MYT1L: variants seen among roughly 807,000 people sequenced by gnomAD.
The protein encoded by MYT1L is myelin transcription factor 1-like protein.
In MYT1L, 12 loss-of-function variants were observed where a neutral mutation model predicts 126.7. The observed-to-expected ratio is 0.09, with a 90% CI of 0.06 to 0.15. The LOEUF is 0.15. Among genes scored for constraint, MYT1L ranks in the 10% least tolerant of loss-of-function variants. The pLI, the probability that MYT1L is intolerant of heterozygous loss-of-function variation, is 1.00. For synonymous variants in MYT1L, 541 were observed against 604.2 expected, an observed-to-expected ratio of 0.90 and a Z score of 1.53; for missense variants, 979 against 1,585.2, an observed-to-expected ratio of 0.62 and a Z score of 6.49.
At chr2:2,182,497 A>G (rs925222515) in intron 2 of MYT1L, among the ~76,000 whole-genome samples, 3 of 151,706 alleles carry the variant, frequency 2.0e-5, no homozygotes, top group African/African-American at 7.3e-5. Context: ...TCTCACACCC[A>G]TGTACCCCCC....
At chr2:2,298,796 G>A (rs1640824352) in intron 1 of MYT1L, among the ~76,000 whole-genome samples, 1 of 152,170 alleles carries the variant, frequency 6.6e-6, no homozygotes. Flanking sequence ...ACGTCCCGCA[G>A]TGCTCAGGAA....
chr2:2,044,604 T>C (rs913855711), intron 4 of MYT1L, among the ~76,000 whole-genome samples: 4 of 152,226 alleles, frequency 2.6e-5, no homozygotes, highest in African/African-American at 9.6e-5. Flanking sequence ...GACGTCTTCT[T>C]TGAAATGACT....
At chr2:2,249,191 A>C (rs545640363) in intron 2 of MYT1L, among the ~76,000 whole-genome samples, 46 of 152,130 alleles carry the variant, frequency 3.0e-4, no homozygotes, top group Non-Finnish European at 5.6e-4. Flanking sequence ...CAAAATTAAC[A>C]TACACAAATA....
intron 2 of MYT1L, among the ~76,000 whole-genome samples, chr2:2,204,343 A>C (rs1248578726): frequency 6.6e-6 from 1 of 151,710 alleles, no homozygotes; most frequent in Non-Finnish European, 1.5e-5. Flanking sequence ...AATGGGAGAA[A>C]ATTTTTGCAA....
At chr2:1,818,115 G>A (rs2037972676) in intron 21 of MYT1L, among the ~76,000 whole-genome samples, 1 of 152,216 alleles carries the variant, frequency 6.6e-6, no homozygotes, top group South Asian at 2.1e-4. Flanking sequence ...CAGCTAGAAG[G>A]GCCTTTTCCT....
chr2:1,922,888 C>A lies in MYT1L; in HGVS notation c.881G>T (p.Ser294Ile). 1 of 1,614,064 alleles carries A rather than the reference C, an allele frequency of 6.2e-7. No homozygotes were observed. Among genetic ancestry groups the A allele is most frequent in the Non-Finnish European group, 8.5e-7 (1 of 1,179,898 alleles). Residue 294 changes from serine to isoleucine, a missense_variant, in exon 10 of 25, where the codon AGT (serine) becomes ATT (isoleucine). By Grantham distance (142) the Ser-to-Ile change is moderately radical (BLOSUM62 -2). Transcript: ENST00000647738. The surrounding 1 kb of genome is among the most constrained non-coding windows in gnomAD (Gnocchi z 7.4). The part of the protein sequence containing the change: ...NYADSMSQQD[S>I]RNMNYVMLGK... The stretch of plus-strand genomic sequence containing the variant: ...CAACATGACGTAATTCATATTTCTA[C>A]TGTCTTGCTGCGACATGCTGTCTGC...
At chr2:2,016,362 T>A (rs2064390569) in intron 4 of MYT1L, among the ~76,000 whole-genome samples, 1 of 152,208 alleles carries the variant, frequency 6.6e-6, no homozygotes, top group Non-Finnish European at 1.5e-5. Flanking sequence ...AAAACTTGGA[T>A]GCCTGAGCAG....
chr2:1,978,714 T>C (rs1160487201), intron 8 of MYT1L, among the ~76,000 whole-genome samples: 1 of 152,182 alleles, frequency 6.6e-6, no homozygotes, highest in Non-Finnish European at 1.5e-5. Context: ...ATGGGCTTAG[T>C]TTCCCAGGAT....
At chr2:1,849,177 A>G (rs2042892914) in intron 19 of MYT1L, among the ~76,000 whole-genome samples, 1 of 152,112 alleles carries the variant, frequency 6.6e-6, no homozygotes, top group Admixed American at 6.5e-5. Context: ...AAATCAGAAA[A>G]ACAGACATTT....
In MYT1L at chr2:1,811,400, G is replaced by GTCATCAGCTCTGGCA. The variant is rs2036621356; in HGVS notation, c.3081-2234_3081-2233insTGCCAGAGCTGATGA. On this transcript the variant is annotated intron_variant, in intron 21 of 24. Coordinates refer to ENST00000647738, the MANE Select transcript of MYT1L (RefSeq NM_001303052.2). The surrounding 1 kb of genome is among the most constrained non-coding windows in gnomAD (Gnocchi z 4.4). ...CAGCTCTGGCGTCATCAGCTCTGGCGTCATCAGCTCCAGCATCATCAGCTC... is the reference window on the plus strand; with the variant it reads ...CAGCTCTGGCGTCATCAGCTCTGGCGTCATCAGCTCTGGCATCATCAGCTCCAGCATCATCAGCTC... 2 of 152,718 alleles carry GTCATCAGCTCTGGCA rather than the reference G, an allele frequency of 1.3e-5. No individual in the cohort carries two copies. Among genetic ancestry groups the GTCATCAGCTCTGGCA allele is most frequent in the Admixed American group, 6.5e-5 (1 of 15,292 alleles). The allele number at this position is 152,718 out of a possible 1,614,324, so 9.5% of individuals were successfully genotyped here.
chr2:2,009,359 T>G (rs762646238), intron 4 of MYT1L, among the ~76,000 whole-genome samples: 1 of 152,214 alleles, frequency 6.6e-6, no homozygotes, highest in Non-Finnish European at 1.5e-5. Context: ...TTTCATTTAT[T>G]TGTGCCTTTT....
chr2:1,930,215 A>G (rs1047472356), intron 9 of MYT1L, among the ~76,000 whole-genome samples: 5 of 152,110 alleles, frequency 3.3e-5, no homozygotes, highest in African/African-American at 1.2e-4. Flanking sequence ...CACATTCCAG[A>G]TCTCTTCCTC....
intron 18 of MYT1L, among the ~76,000 whole-genome samples, chr2:1,868,085 G>C (rs1287788631): frequency 6.6e-6 from 1 of 151,980 alleles, no homozygotes; most frequent in African/African-American, 2.4e-5. Context: ...CCCTGCCTCA[G>C]CCTCCCAAGT....
At chr2:2,077,415 G>C (rs2150287899) in intron 3 of MYT1L, among the ~76,000 whole-genome samples, 1 of 152,166 alleles carries the variant, frequency 6.6e-6, no homozygotes. Context: ...ATTAACAAAA[G>C]GCAAAGGCAA....
At chr2:2,042,152 C>T (rs941794571) in intron 4 of MYT1L, among the ~76,000 whole-genome samples, 2 of 152,194 alleles carry the variant, frequency 1.3e-5, no homozygotes, top group Non-Finnish European at 2.9e-5. Flanking sequence ...GGATGAACCC[C>T]AGATGCTCTA....
chr2:2,300,207 T>C (rs772943414), intron 1 of MYT1L, among the ~76,000 whole-genome samples: 1 of 152,212 alleles, frequency 6.6e-6, no homozygotes, highest in Non-Finnish European at 1.5e-5. Context: ...CAAATAAATA[T>C]ATGTTTATGA....
At chr2:1,851,986 C>G (rs1459776111) in intron 18 of MYT1L, among the ~76,000 whole-genome samples, 1 of 152,194 alleles carries the variant, frequency 6.6e-6, no homozygotes, top group Admixed American at 6.5e-5. Context: ...CCTGTATTCC[C>G]TCCTAACAGC....
chr2:1,872,186 T>C (rs944849987), intron 18 of MYT1L, among the ~76,000 whole-genome samples: 1 of 152,154 alleles, frequency 6.6e-6, no homozygotes, highest in Non-Finnish European at 1.5e-5. Flanking sequence ...AGGAGATTTC[T>C]GGATGTCTCC....
rs750963882 is a variant in MYT1L at position 1,917,275 on chromosome 2, G to A, written c.1548C>T (p.His516=). The A allele has an allele frequency of 3.0e-5, 48 of 1,613,316 alleles. No individual in the cohort carries two copies. Among genetic ancestry groups the A allele is most frequent in the Non-Finnish European group, 3.5e-5 (41 of 1,179,462 alleles). The stretch of plus-strand genomic sequence containing the variant: ...GGTGATGTGGGTACAGCCCAGTTAC[G>A]TGGCCGGTTCCATCACACCCGGGGG... ...CPTPGCDGTG[H]VTGLYPHHRS... The change falls in exon 11 of 25, where the codon CAC becomes CAT. Residue 516 remains histidine, a synonymous_variant. Transcript: ENST00000647738. This position sits in a 1 kb window ranked among gnomAD's most constrained non-coding sequence, Gnocchi z 5.9.
Sources: gnomAD v4.1 joint callset for allele counts (sites outside exome capture counted in the v4.1 genomes callset) on GRCh38, gnomAD v4.1.1 for gene constraint, Gnocchi (gnomAD v3.1) non-coding constraint, MANE v1.5 for transcripts, NCBI Gene and HGNC (gene_info 2026-07-23, HGNC 2026-07-21) for gene names.